The following FAM163A variants were observed in gnomAD, a reference collection of about 807,000 sequenced individuals.
FAM163A encodes family with sequence similarity 163 member A.
A neutral mutation model predicts 12.0 loss-of-function variants in FAM163A; 7 were observed. The ratio of observed to expected loss-of-function variants is 0.58; its 90% confidence interval spans 0.33 to 1.10. The LOEUF is 1.10. Ranked by LOEUF, FAM163A falls within the 50% of genes least tolerant of loss-of-function variation. The pLI is 0.03. For missense variants in FAM163A, 202 were observed against 218.6 expected (o/e 0.92, Z 0.48); for synonymous variants, 101 against 91.0 (o/e 1.11, Z -0.62).
At chr1:179,803,249 G>A (rs1363049650) in intron 1 of FAM163A, among the ~76,000 whole-genome samples, 1 of 152,210 alleles carries the variant, frequency 6.6e-6, no homozygotes, top group East Asian at 1.9e-4. Context: ...ATTGAGATCA[G>A]CTGGTGCTTA....
At chr1:179,753,677 G>A (rs1571322381) in intron 1 of FAM163A, among the ~76,000 whole-genome samples, 1 of 152,144 alleles carries the variant, frequency 6.6e-6, no homozygotes. Context: ...TGGTGGGAAG[G>A]CAAGAATGTT....
chr1:179,731,619 A>G, the FAM163A span, among the ~76,000 whole-genome samples: 4 of 152,196 alleles, frequency 2.6e-5, no homozygotes, highest in African/African-American at 9.7e-5. Flanking sequence ...ACCTTGAGCT[A>G]AATAAATAAT....
chr1:179,759,091 G>A (rs1686438893), intron 1 of FAM163A, among the ~76,000 whole-genome samples: 1 of 152,194 alleles, frequency 6.6e-6, no homozygotes, highest in Admixed American at 6.5e-5. Flanking sequence ...ATAGTGTAGA[G>A]TAGGGTTTCT....
rs141924929 is a variant in FAM163A at position 179,801,268 on chromosome 1, A to C, written c.-135-6530A>C. 9.4e-3 allele frequency among the ~76,000 whole-genome samples: 1,436 copies of C among 152,112 alleles called. 22 individuals are homozygous for C. The highest frequency in any genetic ancestry group is 0.033 in the African/African-American group (1,368 of 41,534). On this transcript the variant is annotated intron_variant, in intron 1 of 4. Coordinates refer to ENST00000341785, the MANE Select transcript of FAM163A (RefSeq NM_173509.3). ...CTGACTGCTGGGATTTTTAACTGGC[A>C]GGGAGACCCAGTGGAACCCCTGAGC...
chr1:179,800,811 A>T (rs1693063742), intron 1 of FAM163A, among the ~76,000 whole-genome samples: 1 of 152,216 alleles, frequency 6.6e-6, no homozygotes, highest in Non-Finnish European at 1.5e-5. Context: ...CAAGGTCATG[A>T]TCAGGAGCCT....
chr1:179,786,523 G>A (rs1267147251), intron 1 of FAM163A, among the ~76,000 whole-genome samples: 1 of 152,230 alleles, frequency 6.6e-6, no homozygotes, highest in African/African-American at 2.4e-5. Context: ...CAGCAGCGAA[G>A]AGGGTTCCCC....
At chr1:179,798,542 G>A (rs1223924024) in intron 1 of FAM163A, among the ~76,000 whole-genome samples, 3 of 152,208 alleles carry the variant, frequency 2.0e-5, no homozygotes, top group Non-Finnish European at 4.4e-5. Context: ...AGTCCTCCTC[G>A]GGGCACTTTT....
chr1:179,805,301 T>C (rs1319091449), intron 1 of FAM163A, among the ~76,000 whole-genome samples: 2 of 152,196 alleles, frequency 1.3e-5, no homozygotes, highest in African/African-American at 4.8e-5. Context: ...GTGGGTCACC[T>C]GAGGTCAGGA....
At chr1:179,783,782 T>TATATAATTTATTATATATATA (rs1307345050) in intron 1 of FAM163A, among the ~76,000 whole-genome samples, 1,796 of 139,604 alleles carry the variant, frequency 0.013, 52 homozygotes, top group African/African-American at 0.047. Flanking sequence ...ATATATATAT[T>TATATAATTTATTATATATATA]ATATAATTTA....
At position 179,814,168 on chromosome 1, in the gene FAM163A, G is replaced by A. The variant is rs773465577; in HGVS notation, c.483G>A (p.Arg161=). 5.0e-6 allele frequency: 8 copies of A among 1,613,912 alleles called. No individual in the cohort carries two copies. Among genetic ancestry groups the A allele is most frequent in the African/African-American group, 1.3e-5 (1 of 75,052 alleles). The change falls in exon 5 of 5, where the codon AGG becomes AGA. Residue 161 remains arginine (R), a synonymous_variant. Transcript: ENST00000341785. ...GSGREAFTNP[R]AISTDV The stretch of plus-strand genomic sequence containing the variant: ...GGCGTGAGGCCTTCACCAATCCAAG[G>A]GCTATTAGTACAGACGTGTAAATCC...
the FAM163A span, among the ~76,000 whole-genome samples, chr1:179,736,982 T>C: frequency 6.6e-6 from 1 of 152,126 alleles, no homozygotes; most frequent in Non-Finnish European, 1.5e-5. Context: ...AATTTAAAAT[T>C]GAAAACCATA....
intron 1 of FAM163A, among the ~76,000 whole-genome samples, chr1:179,755,912 G>T (rs1685958682): frequency 6.6e-6 from 1 of 152,152 alleles, no homozygotes; most frequent in Non-Finnish European, 1.5e-5. Flanking sequence ...CTCTGCTGAA[G>T]TCTTGCTGAC....
At position 179,769,975 on chromosome 1, in the gene FAM163A, G is replaced by A. The variant is rs182781298; in HGVS notation, c.-136+26552G>A. Reference sequence around the variant, plus strand: ...GGCTGGAGTGCAGTGGCGTGATCTCGGCTCACTGCAAGCTCCGCCTCCCAG... The same window carrying A: ...GGCTGGAGTGCAGTGGCGTGATCTCAGCTCACTGCAAGCTCCGCCTCCCAG... On this transcript the variant is annotated intron_variant, in intron 1 of 4. Transcript: ENST00000341785. Among the ~76,000 whole-genome samples, 660 of 135,204 alleles carry A rather than the reference G, an allele frequency of 4.9e-3. 6 individuals carry two copies. The highest frequency in any genetic ancestry group is 0.018 in the African/African-American group (628 of 35,258). 88.7% of individuals were successfully genotyped at this position (135,204 alleles called of 152,430 possible). A position where few individuals can be genotyped will look rare whatever the true frequency, so the allele number is the denominator to read the frequency against.
intron 1 of FAM163A, among the ~76,000 whole-genome samples, chr1:179,759,920 G>A (rs1201567956): frequency 6.6e-6 from 1 of 152,200 alleles, no homozygotes; most frequent in Non-Finnish European, 1.5e-5. Flanking sequence ...ACCTGCCTTG[G>A]CCTCCCAAAG....
chr1:179,751,446 G>A (rs978569300), intron 1 of FAM163A, among the ~76,000 whole-genome samples: 13 of 152,140 alleles, frequency 8.5e-5, no homozygotes, highest in African/African-American at 3.1e-4. Flanking sequence ...GACCTAAAAA[G>A]GTCCATTGGC....
intron 1 of FAM163A, among the ~76,000 whole-genome samples, chr1:179,788,731 A>G (rs1335417647): frequency 1.3e-5 from 2 of 152,198 alleles, no homozygotes; most frequent in Non-Finnish European, 2.9e-5. Context: ...ATGCAGGAAT[A>G]TAGAAATGCA....
chr1:179,793,129 C>T (rs1176658751), intron 1 of FAM163A, among the ~76,000 whole-genome samples: 3 of 152,090 alleles, frequency 2.0e-5, no homozygotes, highest in Non-Finnish European at 4.4e-5. Flanking sequence ...CATAGCCTAT[C>T]CCCCATCCTT....
chr1:179,800,307 G>C (rs766560361), intron 1 of FAM163A, among the ~76,000 whole-genome samples: 1 of 152,228 alleles, frequency 6.6e-6, no homozygotes, highest in Non-Finnish European at 1.5e-5. Flanking sequence ...AGCCTGTTTT[G>C]TGTCACCCGA....
At chr1:179,729,524 A>G in the FAM163A span, among the ~76,000 whole-genome samples, 1 of 152,182 alleles carries the variant, frequency 6.6e-6, no homozygotes, top group Non-Finnish European at 1.5e-5. Context: ...GAGGAAAGTC[A>G]CCTAGCTGGG....
Sources: gnomAD v4.1 joint callset for allele counts (sites outside exome capture counted in the v4.1 genomes callset) on GRCh38, gnomAD v4.1.1 for gene constraint, MANE v1.5 for transcripts, NCBI Gene and HGNC (gene_info 2026-07-23, HGNC 2026-07-21) for gene names.